MYOM2: variants seen among roughly 807,000 people sequenced by gnomAD.
The protein encoded by MYOM2 is myomesin-2.
A neutral mutation model predicts 187.6 loss-of-function variants in MYOM2; 254 were observed. The observed-to-expected ratio is 1.35, with a 90% confidence interval of 1.22 to 1.50. The LOEUF (loss-of-function observed/expected upper bound fraction) is 1.50, where lower values mean the gene tolerates loss of function less well. Among genes scored for constraint, MYOM2 ranks in the 40% most tolerant of loss-of-function variants. The probability of loss-of-function intolerance (pLI) is 0.00; values close to 1 mark genes in which losing one functional copy is unlikely to be tolerated. For synonymous variants in MYOM2, 981 were observed against 753.8 expected, an observed-to-expected ratio of 1.30 and a Z score of -4.94; for missense variants, 2,796 against 1,924.0, an observed-to-expected ratio of 1.45 and a Z score of -8.48.
At chr8:2,109,220 A>G in intron 24 of MYOM2, 175 bp from the exon 25 acceptor site, 2 of 744,360 alleles carry the variant, frequency 2.7e-6, no homozygotes, top group Non-Finnish European at 4.1e-6. Context: ...TTTAGAGGCA[A>G]CAACAGGCCA....
intron 10 of MYOM2, among the ~76,000 whole-genome samples, chr8:2,074,678 C>A (rs1361578531): frequency 6.6e-6 from 1 of 152,122 alleles, no homozygotes; most frequent in Non-Finnish European, 1.5e-5. Flanking sequence ...TGGTCTCGAA[C>A]TCTTGATCAT....
intron 18 of MYOM2, among the ~76,000 whole-genome samples, chr8:2,097,877 C>G (rs540992283): frequency 6.6e-6 from 1 of 152,326 alleles, no homozygotes; most frequent in South Asian, 2.1e-4. Flanking sequence ...TGGGCTAAAT[C>G]ATCACCACGC....
At chr8:2,129,778 G>T (rs4568639) in intron 32 of MYOM2, among the ~76,000 whole-genome samples, 29,476 of 152,060 alleles carry the variant, frequency 0.19, 2,956 homozygotes, top group Middle Eastern at 0.26. Context: ...CACTGGGCAG[G>T]TCCCTGCTGC....
chr8:2,069,330 G>C lies in MYOM2; in HGVS notation c.706G>C (p.Gly236Arg). ...CTCAGCAGTGGCCACCAATGCCCAC[G>C]GACAAGTGTCCACCAACGCGGCGGT... The part of the protein sequence containing the change: ...TYSAVATNAH[G>R]QVSTNAAVVV... Residue 236 changes from glycine to arginine, a missense_variant, in exon 7 of 37, where the codon GGA (glycine) becomes CGA (arginine). Transcript: ENST00000262113. The C allele has an allele frequency of 6.2e-7, 1 of 1,613,914 alleles. No homozygotes were observed. The highest frequency in any genetic ancestry group is 8.5e-7 in the Non-Finnish European group (1 of 1,179,956).
At chr8:2,134,489 G>A (rs1797996757) in intron 32 of MYOM2, among the ~76,000 whole-genome samples, 1 of 148,484 alleles carries the variant, frequency 6.7e-6, no homozygotes, top group South Asian at 2.2e-4. Flanking sequence ...TCAGGACTTG[G>A]CAAGTCTCTT....
intron 28 of MYOM2, among the ~76,000 whole-genome samples, chr8:2,120,295 G>A (rs1585940311): frequency 6.6e-6 from 1 of 152,170 alleles, no homozygotes; most frequent in East Asian, 2.0e-4. Context: ...TCTAAGTTGA[G>A]CAGGAAAGTG....
chr8:2,053,910 C>T (rs985780879), intron 3 of MYOM2, among the ~76,000 whole-genome samples: 1 of 152,146 alleles, frequency 6.6e-6, no homozygotes, highest in African/African-American at 2.4e-5. Context: ...GAAATCAGTT[C>T]TTTCCTCCTT....
chr8:2,121,229 C>T (rs933745518), intron 28 of MYOM2, among the ~76,000 whole-genome samples: 1 of 152,146 alleles, frequency 6.6e-6, no homozygotes, highest in Non-Finnish European at 1.5e-5. Context: ...GAGTCAGCAA[C>T]TCAAAGCCCA....
rs190136578 is a variant in MYOM2, at chr8:2,080,347, T to C, written c.1516+734T>C. Among the ~76,000 whole-genome samples the C allele has an allele frequency of 1.9e-4, 29 of 152,336 alleles. No homozygotes were observed. The East Asian group carries it at 5.6e-3, about 29-fold the overall frequency. On this transcript the variant is annotated intron_variant, in intron 13 of 36. Coordinates refer to ENST00000262113, the MANE Select transcript of MYOM2 (RefSeq NM_003970.4). ...TGCAGACTCAAAAGCGTTTTCTGGA[T>C]TGGTTTTCTACATCTGAAGCAGATG...
At chr8:2,116,366 C>A in intron 27 of MYOM2, 91 bp downstream of exon 27, 1 of 1,260,900 alleles carries the variant, frequency 7.9e-7, no homozygotes, top group Non-Finnish European at 1.1e-6. Flanking sequence ...TGCATGATCC[C>A]AAGCAACCCT....
chr8:2,081,672 C>G (rs901469901), intron 13 of MYOM2: 1 of 154,938 alleles, frequency 6.5e-6, no homozygotes, highest in African/African-American at 2.4e-5. Context: ...ATGGAATGAA[C>G]CTTCCCCAGG....
chr8:2,089,829 A>C (rs1012815607), intron 14 of MYOM2, among the ~76,000 whole-genome samples, 179 bp from the exon 15 acceptor site: 1 of 152,214 alleles, frequency 6.6e-6, no homozygotes, highest in African/African-American at 2.4e-5. Flanking sequence ...TCCTTCTCCA[A>C]ATTGGCATCA....
At position 2,108,829 on chromosome 8, in the gene MYOM2, C is replaced by T. The variant is rs1237019553; in HGVS notation, c.3042C>T (p.Pro1014=). The change falls in exon 24 of 37, where the codon CCC becomes CCT. Residue 1014 remains proline (P), a splice_region_variant and synonymous_variant. Transcript: ENST00000262113. The part of the protein sequence containing the change: ...LMALSNEIKN[P]TIPLKSELAY... ...CATTGAGCAATGAAATAAAGAACCC[C>T]AGTAAGTAAGCCTCCAGCCCTTCCC... The T allele has an allele frequency of 1.2e-6, 2 of 1,613,908 alleles. No homozygotes were observed. Among genetic ancestry groups the T allele is most frequent in the Admixed American group, 1.7e-5 (1 of 59,990 alleles).
chr8:2,107,017 A>C (rs3817710), intron 23 of MYOM2, among the ~76,000 whole-genome samples: 30,363 of 152,114 alleles, frequency 0.2, 3,659 homozygotes, highest in Non-Finnish European at 0.26. Flanking sequence ...AATAATTTTA[A>C]CTGACGAAGT....
chr8:2,090,069 G>A lies in MYOM2; in HGVS notation c.1706G>A (p.Arg569Lys), dbSNP rs1796244387. 7 of 1,614,142 alleles carry A rather than the reference G, an allele frequency of 4.3e-6. No individual in the cohort carries two copies. Among genetic ancestry groups the A allele is most frequent in the Non-Finnish European group, 5.9e-6 (7 of 1,180,022 alleles). Reference sequence around the variant, plus strand: ...GCCCAGACGGCTGTGAGATCCCCGAGATATGCCGTGTTTGACCTCATGGAA... The same window carrying A: ...GCCCAGACGGCTGTGAGATCCCCGAAATATGCCGTGTTTGACCTCATGGAA... ...VNAQTAVRSP[R>K]YAVFDLMEGK... The change falls in exon 15 of 37, where the codon AGA (arginine) becomes AAA (lysine). Residue 569 changes from arginine (R) to lysine (K), a missense_variant. Physicochemically the swap from Arg to Lys is conservative, Grantham distance 26. Coordinates refer to ENST00000262113, the MANE Select transcript of MYOM2 (RefSeq NM_003970.4).
chr8:2,141,896 C>G (rs117812297), intron 34 of MYOM2, among the ~76,000 whole-genome samples: 1 of 152,146 alleles, frequency 6.6e-6, no homozygotes, highest in Non-Finnish European at 1.5e-5. Flanking sequence ...TTTTTAAGGA[C>G]AATTCGGGGT....
At chr8:2,046,164 TACAA>T (rs1182537313) in intron 1 of MYOM2, among the ~76,000 whole-genome samples, 2 of 152,352 alleles carry the variant, frequency 1.3e-5, no homozygotes, top group African/African-American at 4.8e-5. Context: ...TTTTTAACTG[TACAA>T]ACAATTTCCT....
At chr8:2,076,584 G>A in intron 11 of MYOM2, 1 of 337,858 alleles carries the variant, frequency 3.0e-6, no homozygotes, top group Non-Finnish European at 5.4e-6. Flanking sequence ...CCCGCGCTGT[G>A]GTTCTGCTGA....
chr8:2,135,992 C>G (rs73657759), intron 32 of MYOM2, among the ~76,000 whole-genome samples: 19,741 of 152,136 alleles, frequency 0.13, 2,152 homozygotes, highest in African/African-American at 0.28. Flanking sequence ...TCAAGGTGAG[C>G]AGCCAGGGTT....
Sources: gnomAD v4.1 joint callset for allele counts (sites outside exome capture counted in the v4.1 genomes callset) on GRCh38, gnomAD v4.1.1 for gene constraint, MANE v1.5 for transcripts, NCBI Gene and HGNC (gene_info 2026-07-23, HGNC 2026-07-21) for gene names.